The following USH2A variants were observed in gnomAD, a reference collection of about 807,000 sequenced individuals.
USH2A encodes usherin.
In USH2A, 443 loss-of-function variants were observed where a neutral mutation model predicts 538.9. The ratio of observed to expected loss-of-function variants is 0.82; its 90% CI spans 0.76 to 0.89. USH2A has a LOEUF of 0.89. USH2A is among the 40% of genes least tolerant of loss of function. The pLI is 0.00. For missense variants in USH2A, 6,633 were observed against 6,324.8 expected (o/e 1.05, Z -1.65); for synonymous variants, 2,413 against 2,273.5 (o/e 1.06, Z -1.75).
At chr1:216,372,439 T>C (rs1331119416) in intron 3 of USH2A, among the ~76,000 whole-genome samples, 1 of 152,170 alleles carries the variant, frequency 6.6e-6, no homozygotes, top group Non-Finnish European at 1.5e-5. Context: ...ATTACATTTG[T>C]GCCCTGGGTA....
chr1:215,643,670 C>T (rs183478594), intron 67 of USH2A, among the ~76,000 whole-genome samples: 13 of 151,862 alleles, frequency 8.6e-5, no homozygotes, highest in Admixed American at 3.9e-4. Context: ...GGACTACAGG[C>T]GCATGTCACC....
At chr1:215,741,679 AT>A in intron 59 of USH2A, 142 bp from the exon 60 acceptor site, 1 of 940,482 alleles carries the variant, frequency 1.1e-6, no homozygotes, top group Non-Finnish European at 1.5e-6. Flanking sequence ...TTTTAAATAA[AT>A]TTTTATGGGA....
At chr1:215,781,810 A>C (rs1230106752) in intron 54 of USH2A, among the ~76,000 whole-genome samples, 4 of 152,222 alleles carry the variant, frequency 2.6e-5, no homozygotes, top group Non-Finnish European at 4.4e-5. Context: ...TCAAGATTTC[A>C]CTTGTTTTTC....
At chr1:215,715,342 A>C (rs747819288) in intron 61 of USH2A, among the ~76,000 whole-genome samples, 10 of 152,322 alleles carry the variant, frequency 6.6e-5, no homozygotes, top group East Asian at 3.9e-4. Context: ...TGTTTTCCCC[A>C]AAAACAAAAA....
intron 14 of USH2A, among the ~76,000 whole-genome samples, chr1:216,218,516 G>A (rs1447628158): frequency 6.6e-6 from 1 of 152,026 alleles, no homozygotes; most frequent in Non-Finnish European, 1.5e-5. Context: ...GATGCTGAAC[G>A]GATGGAGTTA....
chr1:216,094,386 G>A (rs919768933), intron 22 of USH2A, among the ~76,000 whole-genome samples: 3 of 152,040 alleles, frequency 2.0e-5, no homozygotes, highest in Non-Finnish European at 4.4e-5. Flanking sequence ...CCGCCACTAA[G>A]CTGGTATCTT....
chr1:216,156,295 CTTTTTTTTTT>C (rs35698520), intron 21 of USH2A, among the ~76,000 whole-genome samples: 1 of 105,526 alleles, frequency 9.5e-6, no homozygotes, highest in Non-Finnish European at 1.9e-5. Context: ...TTTTTTTTTT[CTTTTTTTTTT>C]TTTTTTTGGC....
chr1:215,733,978 C>T (rs1171049532), intron 60 of USH2A, among the ~76,000 whole-genome samples: 10 of 152,222 alleles, frequency 6.6e-5, no homozygotes, highest in Admixed American at 5.9e-4. Context: ...CTCCAACAGA[C>T]AGCGCCCTGA....
chr1:215,936,423 T>C (rs940545991), intron 37 of USH2A, among the ~76,000 whole-genome samples: 1 of 152,094 alleles, frequency 6.6e-6, no homozygotes, highest in Non-Finnish European at 1.5e-5. Flanking sequence ...TTGAACTTGT[T>C]CTTGTATTCT....
At chr1:215,950,056 T>C (rs1421835569) in intron 37 of USH2A, among the ~76,000 whole-genome samples, 1 of 152,224 alleles carries the variant, frequency 6.6e-6, no homozygotes, top group East Asian at 1.9e-4. Context: ...ATTTGTATAC[T>C]ATTAGAAGCC....
chr1:215,801,093 A>T (rs1252456257), intron 49 of USH2A, among the ~76,000 whole-genome samples: 1 of 152,174 alleles, frequency 6.6e-6, no homozygotes, highest in Non-Finnish European at 1.5e-5. Context: ...AATCTCTTTC[A>T]TTATAAATCC....
chr1:216,363,009 A>C (rs1485292282), intron 4 of USH2A, among the ~76,000 whole-genome samples: 1 of 151,554 alleles, frequency 6.6e-6, no homozygotes, highest in Non-Finnish European at 1.5e-5. Context: ...TTTTTTCAAT[A>C]TATAGCATAT....
chr1:216,381,872 C>CA (rs760339012), intron 3 of USH2A, among the ~76,000 whole-genome samples: 12 of 152,184 alleles, frequency 7.9e-5, no homozygotes, highest in Non-Finnish European at 1.3e-4. Context: ...CCCAGGGATA[C>CA]AAAAAGTCGG....
intron 11 of USH2A, among the ~76,000 whole-genome samples, chr1:216,286,645 AC>A (rs2036891471): frequency 6.6e-6 from 1 of 151,934 alleles, no homozygotes; most frequent in Non-Finnish European, 1.5e-5. Context: ...AATAGCTTGA[AC>A]CCCAGAGGTG....
chr1:216,067,828 G>A (rs2031429620), intron 30 of USH2A, among the ~76,000 whole-genome samples: 1 of 152,118 alleles, frequency 6.6e-6, no homozygotes. Flanking sequence ...GCATTTGGAT[G>A]TCTAGGTGGG....
intron 47 of USH2A, among the ~76,000 whole-genome samples, chr1:215,826,539 G>A (rs1663161253): frequency 6.6e-6 from 1 of 152,122 alleles, no homozygotes; most frequent in South Asian, 2.1e-4. Context: ...AGAAATGATA[G>A]AATCTTTGAA....
At chr1:215,936,044 T>A (rs1167929525) in intron 37 of USH2A, among the ~76,000 whole-genome samples, 2 of 151,712 alleles carry the variant, frequency 1.3e-5, no homozygotes, top group Admixed American at 6.6e-5. Context: ...GATTTTTTTA[T>A]CTAAAAGAGC....
chr1:215,883,270 A>G (rs921757146), intron 41 of USH2A, among the ~76,000 whole-genome samples: 3 of 152,136 alleles, frequency 2.0e-5, no homozygotes, highest in Non-Finnish European at 2.9e-5. Flanking sequence ...ATAAATTATT[A>G]GAAGGCCTAT....
At chr1:215,850,935 C>T (rs1664000476) in intron 44 of USH2A, among the ~76,000 whole-genome samples, 1 of 152,038 alleles carries the variant, frequency 6.6e-6, no homozygotes. Flanking sequence ...TAATCTGCTC[C>T]TGAATGATCA....
Sources: gnomAD v4.1 joint callset for allele counts (sites outside exome capture counted in the v4.1 genomes callset) on GRCh38, gnomAD v4.1.1 for gene constraint, MANE v1.5 for transcripts, NCBI Gene and HGNC (gene_info 2026-07-23, HGNC 2026-07-21) for gene names.